Variants in ATG10 observed in about 807,000 individuals in gnomAD.
ATG10 encodes the protein ubiquitin-like-conjugating enzyme ATG10.
ATG10 carries 30 observed loss-of-function variants against 32.1 expected under a neutral mutation model. That is an observed-to-expected ratio of 0.94 (90% confidence interval 0.70 to 1.27). The LOEUF (loss-of-function observed/expected upper bound fraction) is 1.27. Among genes scored for constraint, ATG10 ranks in the 50% most tolerant of loss-of-function variants. The probability of loss-of-function intolerance (pLI) is 0.00; values close to 1 mark genes in which losing one functional copy is unlikely to be tolerated. For synonymous variants in ATG10, 87 were observed against 91.5 expected (o/e 0.95, Z 0.28); for missense variants, 233 against 262.3 (o/e 0.89, Z 0.77).
chr5:82,036,122 T>C (rs1035534973), intron 2 of ATG10, among the ~76,000 whole-genome samples: 1 of 152,174 alleles, frequency 6.6e-6, no homozygotes, highest in Non-Finnish European at 1.5e-5. Context: ...TTATTTATTT[T>C]ATTTAATGGT....
At chr5:82,212,861 A>T (rs1329510988) in intron 5 of ATG10, among the ~76,000 whole-genome samples, 1 of 152,120 alleles carries the variant, frequency 6.6e-6, no homozygotes, top group African/African-American at 2.4e-5. Flanking sequence ...TTCTCTCCCT[A>T]GGTGGTTCTA....
At chr5:82,042,542 A>G (rs552586836) in intron 2 of ATG10, among the ~76,000 whole-genome samples, 2 of 152,336 alleles carry the variant, frequency 1.3e-5, no homozygotes, top group South Asian at 4.1e-4. Flanking sequence ...ACATTAATTC[A>G]AAAGTCCAGA....
intron 5 of ATG10, among the ~76,000 whole-genome samples, chr5:82,235,895 C>G (rs1042863528): frequency 2.0e-5 from 3 of 152,164 alleles, no homozygotes; most frequent in African/African-American, 7.2e-5. Flanking sequence ...CTCAGATTTT[C>G]TCATTTTCTC....
At chr5:82,157,111 G>A (rs1767827589) in intron 3 of ATG10, among the ~76,000 whole-genome samples, 1 of 152,116 alleles carries the variant, frequency 6.6e-6, no homozygotes, top group African/African-American at 2.4e-5. Flanking sequence ...ATGCCTGCCT[G>A]GAGAAGAGGT....
intron 3 of ATG10, among the ~76,000 whole-genome samples, chr5:82,150,057 G>A (rs1638431944): frequency 7.9e-6 from 1 of 126,372 alleles, no homozygotes; most frequent in African/African-American, 2.9e-5. Flanking sequence ...TAATTATGTT[G>A]TAGCTCCTTA....
At chr5:82,095,054 GC>G (rs1197086294) in intron 3 of ATG10, among the ~76,000 whole-genome samples, 1 of 152,070 alleles carries the variant, frequency 6.6e-6, no homozygotes, top group Admixed American at 6.6e-5. Flanking sequence ...AGCATGTATA[GC>G]TTTTATAGTC....
chr5:82,251,537 G>A (rs1341703979), intron 5 of ATG10, among the ~76,000 whole-genome samples: 1 of 152,182 alleles, frequency 6.6e-6, no homozygotes, highest in Non-Finnish European at 1.5e-5. Flanking sequence ...CAGTTGGCTG[G>A]AGCAGAGTAG....
chr5:82,169,463 C>T (rs913893633), intron 4 of ATG10, among the ~76,000 whole-genome samples: 7 of 150,468 alleles, frequency 4.7e-5, no homozygotes, highest in Admixed American at 6.6e-5. Context: ...ATTGCAAGTA[C>T]GGTAAGAGTT....
intron 5 of ATG10, among the ~76,000 whole-genome samples, chr5:82,205,119 C>A (rs765276514): frequency 6.6e-6 from 1 of 152,130 alleles, no homozygotes; most frequent in Non-Finnish European, 1.5e-5. Context: ...TGTTTGATTG[C>A]TTGCTTGCTT....
intron 3 of ATG10, among the ~76,000 whole-genome samples, chr5:82,164,118 C>A (rs986507347): frequency 8.5e-5 from 13 of 152,090 alleles, no homozygotes; most frequent in African/African-American, 2.9e-4. Context: ...ATTTTTCAGG[C>A]AATAGATCTT....
chr5:81,993,393 T>C (rs10039588), intron 2 of ATG10, among the ~76,000 whole-genome samples: 101,126 of 105,618 alleles, frequency 0.96, 48,523 homozygotes, highest in East Asian at 0.98. Context: ...CTTTTCTTTT[T>C]TTTTCTTTTC....
At chr5:82,082,138 TC>T (rs907569442) in intron 3 of ATG10, among the ~76,000 whole-genome samples, 17 of 152,170 alleles carry the variant, frequency 1.1e-4, no homozygotes, top group African/African-American at 3.9e-4. Flanking sequence ...GAGTTACAAT[TC>T]CAGATGAGAT....
intron 2 of ATG10, among the ~76,000 whole-genome samples, chr5:82,055,420 A>C (rs1202190362): frequency 6.6e-6 from 1 of 152,158 alleles, no homozygotes; most frequent in Non-Finnish European, 1.5e-5. Context: ...CAGATAATTT[A>C]TTTAGATTTT....
At chr5:82,244,400 C>G (rs892135808) in intron 5 of ATG10, among the ~76,000 whole-genome samples, 7 of 152,106 alleles carry the variant, frequency 4.6e-5, no homozygotes, top group African/African-American at 1.7e-4. Flanking sequence ...AGCATAATCT[C>G]TCTAAGCCTG....
chr5:82,093,359 G>A (rs1011003142), intron 3 of ATG10, among the ~76,000 whole-genome samples: 1 of 152,056 alleles, frequency 6.6e-6, no homozygotes, highest in African/African-American at 2.4e-5. Context: ...AGTTCACTAA[G>A]CTTTTCTTCT....
chr5:81,992,672 G>A (rs1399728228), intron 2 of ATG10, among the ~76,000 whole-genome samples: 2 of 152,024 alleles, frequency 1.3e-5, no homozygotes, highest in African/African-American at 2.4e-5. Context: ...CCAAAGTGCC[G>A]GGATTACAGG....
chr5:82,174,511 G>A (rs1171916037), intron 4 of ATG10, among the ~76,000 whole-genome samples: 1 of 152,134 alleles, frequency 6.6e-6, no homozygotes, highest in East Asian at 1.9e-4. Context: ...TTTGTTTGGC[G>A]ACAACAAAAT....
intron 2 of ATG10, among the ~76,000 whole-genome samples, chr5:82,006,063 A>G (rs1438997878): frequency 6.6e-6 from 1 of 152,166 alleles, no homozygotes; most frequent in Admixed American, 6.5e-5. Context: ...TTTAAATTTC[A>G]TTTTATTCTG....
At chr5:82,136,299 T>C (rs959553530) in intron 3 of ATG10, among the ~76,000 whole-genome samples, 20 of 152,222 alleles carry the variant, frequency 1.3e-4, no homozygotes, top group Non-Finnish European at 2.6e-4. Flanking sequence ...GCTGGTTAGT[T>C]CATGCAGTTT....
Sources: gnomAD v4.1 joint callset for allele counts (sites outside exome capture counted in the v4.1 genomes callset) on GRCh38, gnomAD v4.1.1 for gene constraint, MANE v1.5 for transcripts, NCBI Gene and HGNC (gene_info 2026-07-23, HGNC 2026-07-21) for gene names.